Variants in LINGO2 observed in about 807,000 individuals in gnomAD.
LINGO2 encodes leucine-rich repeat and immunoglobulin-like domain-containing nogo receptor-interacting protein 2.
In LINGO2, 14 loss-of-function variants were observed where a neutral mutation model predicts 30.6. The observed-to-expected ratio is 0.46, with a 90% CI of 0.30 to 0.72. The LOEUF (loss-of-function observed/expected upper bound fraction) is 0.72, where lower values mean the gene tolerates loss of function less well. LINGO2 is among the 30% of genes least tolerant of loss of function. LINGO2 has a pLI of 0.07. For synonymous variants in LINGO2, 317 were observed against 288.5 expected, an observed-to-expected ratio of 1.10 and a Z score of -1.00; for missense variants, 729 against 751.7, an observed-to-expected ratio of 0.97 and a Z score of 0.35.
intron 2 of LINGO2, among the ~76,000 whole-genome samples, chr9:28,397,259 G>A (rs1402172496): frequency 6.6e-6 from 1 of 151,182 alleles, no homozygotes; most frequent in Middle Eastern, 3.2e-3. Context: ...CTTCTTGGGA[G>A]GATAAGATAT....
intron 3 of LINGO2, among the ~76,000 whole-genome samples, chr9:28,324,673 C>G (rs1001366738): frequency 1.3e-5 from 2 of 152,128 alleles, no homozygotes; most frequent in Admixed American, 1.3e-4. Context: ...AACACCATGG[C>G]AACATCAGGA....
At chr9:28,166,629 GTCT>G (rs1730902401) in intron 4 of LINGO2, among the ~76,000 whole-genome samples, 1 of 151,970 alleles carries the variant, frequency 6.6e-6, no homozygotes, top group African/African-American at 2.4e-5. Flanking sequence ...AAGAGAAGAA[GTCT>G]TCTCTTGACA....
chr9:28,688,998 C>T, the LINGO2 span, among the ~76,000 whole-genome samples: 2 of 152,128 alleles, frequency 1.3e-5, no homozygotes, highest in African/African-American at 4.8e-5. Context: ...TTCCCTTGAT[C>T]CTGAGTGAGT....
chr9:28,051,351 A>G (rs1554666337), intron 4 of LINGO2, among the ~76,000 whole-genome samples: 1 of 152,036 alleles, frequency 6.6e-6, no homozygotes, highest in Non-Finnish European at 1.5e-5. Flanking sequence ...ATTTAACAGC[A>G]TTTTACATTC....
chr9:28,443,889 G>C (rs1215721080), intron 2 of LINGO2, among the ~76,000 whole-genome samples: 1 of 152,156 alleles, frequency 6.6e-6, no homozygotes, highest in Non-Finnish European at 1.5e-5. Context: ...TGAAGCCTGG[G>C]TCTGGGCTGG....
intron 1 of LINGO2, among the ~76,000 whole-genome samples, chr9:28,630,941 A>G (rs60586739): frequency 0.098 from 14,931 of 151,670 alleles, 1,027 homozygotes; most frequent in Admixed American, 0.24. Flanking sequence ...CACCCCCTTT[A>G]AATGCATTAC....
At chr9:28,126,843 A>C (rs1387629759) in intron 4 of LINGO2, among the ~76,000 whole-genome samples, 1 of 152,216 alleles carries the variant, frequency 6.6e-6, no homozygotes, top group Non-Finnish European at 1.5e-5. Context: ...GAGCAGAAGG[A>C]TATTATTCTC....
intron 4 of LINGO2, among the ~76,000 whole-genome samples, chr9:28,077,516 A>G (rs188786911): frequency 2.0e-3 from 311 of 152,304 alleles, no homozygotes; most frequent in African/African-American, 6.9e-3. Flanking sequence ...TATTAAGTCC[A>G]TCTGTGTTCT....
At chr9:28,981,339 A>G in the LINGO2 span, among the ~76,000 whole-genome samples, 1 of 148,934 alleles carries the variant, frequency 6.7e-6, no homozygotes, top group Admixed American at 6.8e-5. Flanking sequence ...CACTTGAAAT[A>G]AAATGTTTAT....
intron 3 of LINGO2, among the ~76,000 whole-genome samples, chr9:28,322,965 A>G (rs755082984): frequency 6.6e-6 from 1 of 152,168 alleles, no homozygotes; most frequent in Non-Finnish European, 1.5e-5. Flanking sequence ...CCTCCTTGAA[A>G]TCTCAACATA....
chr9:28,435,852 C>T (rs960804944), intron 2 of LINGO2, among the ~76,000 whole-genome samples: 1 of 152,088 alleles, frequency 6.6e-6, no homozygotes, highest in African/African-American at 2.4e-5. Flanking sequence ...ATAGAATGAA[C>T]AAAACTTGGA....
the LINGO2 span, among the ~76,000 whole-genome samples, chr9:28,997,332 G>A: frequency 1.3e-5 from 2 of 152,134 alleles, no homozygotes; most frequent in South Asian, 4.1e-4. Flanking sequence ...GCCCATGACA[G>A]TTGTTCAACA....
chr9:28,839,093 C>T, the LINGO2 span, among the ~76,000 whole-genome samples: 1 of 152,202 alleles, frequency 6.6e-6, no homozygotes, highest in Admixed American at 6.5e-5. Flanking sequence ...TGTCACAGTC[C>T]TGGCTCAAGG....
At chr9:28,888,409 T>C in the LINGO2 span, among the ~76,000 whole-genome samples, 1 of 152,070 alleles carries the variant, frequency 6.6e-6, no homozygotes, top group Non-Finnish European at 1.5e-5. Context: ...CACATGAACA[T>C]GAACAGAGAA....
intron 2 of LINGO2, among the ~76,000 whole-genome samples, chr9:28,435,503 G>C (rs1823888605): frequency 6.6e-6 from 1 of 152,094 alleles, no homozygotes; most frequent in Non-Finnish European, 1.5e-5. Flanking sequence ...AATGATCTCT[G>C]GACTGTGAGG....
the LINGO2 span, among the ~76,000 whole-genome samples, chr9:28,772,008 A>C: frequency 6.6e-6 from 1 of 152,196 alleles, no homozygotes; most frequent in Non-Finnish European, 1.5e-5. Context: ...TCACTACTTC[A>C]TCTGAAATAC....
the LINGO2 span, among the ~76,000 whole-genome samples, chr9:29,018,835 T>G: frequency 7.2e-5 from 11 of 152,186 alleles, no homozygotes; most frequent in African/African-American, 2.4e-4. Context: ...AAAGGTTTCT[T>G]AAATCATCTT....
At position 28,453,265 on chromosome 9, in the gene LINGO2, C is replaced by A. The variant is rs140914161; in HGVS notation, c.-279+22675G>T. On this transcript the variant is annotated intron_variant, in intron 2 of 5. Coordinates refer to ENST00000379992, the Ensembl canonical transcript of LINGO2. ...CAATTTATTATGAAAGATGCTCATA[C>A]AAAGAGATAAAATATAGTGAGGTGC... Among the ~76,000 whole-genome samples the A allele has an allele frequency of 1.2e-3, 179 of 151,938 alleles. 2 individuals are homozygous for A. The highest frequency in any genetic ancestry group is 4.1e-3 in the African/African-American group (172 of 41,502).
intron 4 of LINGO2, among the ~76,000 whole-genome samples, chr9:28,172,254 A>G (rs955278993): frequency 1.3e-3 from 180 of 143,548 alleles, no homozygotes; most frequent in African/African-American, 4.4e-3. Context: ...AGCCGGGCGT[A>G]GTGGCGGGCG....
Sources: allele counts gnomAD v4.1 joint callset (sites outside exome capture counted in the v4.1 genomes callset), GRCh38; gene constraint gnomAD v4.1.1; transcripts MANE v1.5; gene names NCBI Gene and HGNC (gene_info 2026-07-23, HGNC 2026-07-21).